Variants in CCDC7 observed in about 807,000 individuals in gnomAD.
CCDC7 encodes coiled-coil domain-containing protein 7.
Under a neutral mutation model 196.9 loss-of-function variants are expected in CCDC7, and 183 were observed. The ratio of observed to expected loss-of-function variants is 0.93; its 90% confidence interval spans 0.82 to 1.05. The LOEUF (loss-of-function observed/expected upper bound fraction) is 1.05, where lower values mean the gene tolerates loss of function less well. CCDC7 is among the 50% of genes least tolerant of loss of function. The pLI, the probability that CCDC7 is intolerant of heterozygous loss-of-function variation, is 0.00. For synonymous variants in CCDC7, 525 were observed against 484.6 expected, an observed-to-expected ratio of 1.08 and a Z score of -1.10; for missense variants, 1,540 against 1,482.2, an observed-to-expected ratio of 1.04 and a Z score of -0.64.
At chr10:32,474,118 CT>C in intron 8 of CCDC7, 95 bp downstream of exon 9, 1 of 1,288,686 alleles carries the variant, frequency 7.8e-7, no homozygotes, top group South Asian at 1.8e-5. Context: ...GTGCAGACTC[CT>C]TGCCTTGGAG....
chr10:32,641,877 A>C (rs1453179499), intron 20 of CCDC7, among the ~76,000 whole-genome samples: 1 of 151,874 alleles, frequency 6.6e-6, no homozygotes, highest in African/African-American at 2.4e-5. Context: ...AACAGTCAGG[A>C]CCCTCAGCTG....
chr10:32,770,797 T>A lies in CCDC7; in HGVS notation c.2906-8180T>A, dbSNP rs1354285565. ...TACATATAAATTTAGGATTGTAATATCTGCTTGTTGAATTGATCTTTTTAT... is the reference window on the plus strand; with the variant it reads ...TACATATAAATTTAGGATTGTAATAACTGCTTGTTGAATTGATCTTTTTAT... On this transcript the variant is annotated intron_variant, in intron 28 of 41. Coordinates refer to ENST00000639629, the Ensembl canonical transcript of CCDC7. Among the ~76,000 whole-genome samples, 3 of 152,208 alleles carry A rather than the reference T, an allele frequency of 2.0e-5. No homozygotes were observed. The East Asian group carries it at 5.8e-4, about 29-fold the overall frequency.
At chr10:32,454,742 A>G (rs1217314365) in intron 2 of CCDC7, among the ~76,000 whole-genome samples, 1 of 152,138 alleles carries the variant, frequency 6.6e-6, no homozygotes, top group Non-Finnish European at 1.5e-5. Context: ...TCAACCACTA[A>G]TGGACAAAGT....
chr10:32,813,706 T>C (rs983032766), intron 30 of CCDC7, among the ~76,000 whole-genome samples: 1 of 152,208 alleles, frequency 6.6e-6, no homozygotes, highest in Non-Finnish European at 1.5e-5. Flanking sequence ...ATAATGTCCC[T>C]AGGATGATTT....
At chr10:32,762,631 TA>T (rs554588134) in intron 28 of CCDC7, among the ~76,000 whole-genome samples, 1 of 151,522 alleles carries the variant, frequency 6.6e-6, no homozygotes, top group Non-Finnish European at 1.5e-5. Context: ...AAAATATTTT[TA>T]AAAAACAACT....
chr10:32,671,449 A>G (rs1004916254), intron 21 of CCDC7, among the ~76,000 whole-genome samples: 2 of 152,156 alleles, frequency 1.3e-5, no homozygotes, highest in African/African-American at 4.8e-5. Context: ...GGTTTATGCA[A>G]TGATAAAATT....
intron 28 of CCDC7, among the ~76,000 whole-genome samples, chr10:32,741,614 C>A (rs1440528815): frequency 6.6e-6 from 1 of 152,102 alleles, no homozygotes; most frequent in Non-Finnish European, 1.5e-5. Context: ...TATGAGTGGA[C>A]CCACACAGTT....
chr10:32,838,958 C>T (rs937823454), intron 33 of CCDC7, among the ~76,000 whole-genome samples: 1 of 151,906 alleles, frequency 6.6e-6, no homozygotes, highest in Non-Finnish European at 1.5e-5. Context: ...ACTACCTAGC[C>T]AGTACTATAA....
chr10:32,749,513 T>C (rs2075345970), intron 28 of CCDC7, among the ~76,000 whole-genome samples: 1 of 152,226 alleles, frequency 6.6e-6, no homozygotes, highest in Non-Finnish European at 1.5e-5. Flanking sequence ...TTTTCACGTA[T>C]ACACTGAGGA....
chr10:32,548,133 G>A (rs1009032768), intron 13 of CCDC7, among the ~76,000 whole-genome samples: 3 of 152,158 alleles, frequency 2.0e-5, no homozygotes, highest in African/African-American at 4.8e-5. Context: ...TGTGACTTGC[G>A]GATGGAGCAA....
chr10:32,804,979 C>A, intron 29 of CCDC7, 36 bp from the exon 31 acceptor site: 1 of 1,358,076 alleles, frequency 7.4e-7, no homozygotes, highest in South Asian at 1.2e-5. Context: ...TAAGGATTAC[C>A]TCGCAAAGTA....
chr10:32,780,638 A>C (rs549282882), intron 29 of CCDC7, among the ~76,000 whole-genome samples: 1 of 152,300 alleles, frequency 6.6e-6, no homozygotes, highest in East Asian at 1.9e-4. Flanking sequence ...TGGTGCATGC[A>C]TGAAGAAAAG....
At chr10:32,811,214 A>C (rs757139229) in intron 30 of CCDC7, among the ~76,000 whole-genome samples, 1 of 152,074 alleles carries the variant, frequency 6.6e-6, no homozygotes, top group Non-Finnish European at 1.5e-5. Flanking sequence ...CAACCAAATC[A>C]AAACTTGGTG....
At chr10:32,509,258 TAGGTACA>T (rs2045709825) in intron 9 of CCDC7, among the ~76,000 whole-genome samples, 1 of 152,112 alleles carries the variant, frequency 6.6e-6, no homozygotes, top group Non-Finnish European at 1.5e-5. Context: ...AACCCAAGCA[TAGGTACA>T]AGTGATCTTC....
exon 40 of CCDC7, chr10:32,851,873 G>A (rs773726700): frequency 6.2e-7 from 1 of 1,611,948 alleles, no homozygotes; most frequent in Admixed American, 1.7e-5. Flanking sequence ...AGAACATATA[G>A]GGCTGGTCCA....
chr10:32,702,391 G>T (rs1481433061), intron 24 of CCDC7, among the ~76,000 whole-genome samples: 6 of 152,154 alleles, frequency 3.9e-5, no homozygotes, highest in Non-Finnish European at 2.9e-5. Context: ...GAGACAGTTT[G>T]TTATAATTTC....
chr10:32,505,146 AT>A (rs56026767), intron 9 of CCDC7, among the ~76,000 whole-genome samples: 20,455 of 151,028 alleles, frequency 0.14, 1,631 homozygotes, highest in African/African-American at 0.23. Context: ...CCCCTTTATA[AT>A]TTTTTTTATG....
chr10:32,445,609 C>G (rs556144143), upstream of CCDC7, among the ~76,000 whole-genome samples: 126 of 152,298 alleles, frequency 8.3e-4, no homozygotes, highest in Non-Finnish European at 1.7e-3. Context: ...CTAAAAAACT[C>G]TACCTTGTAA....
intron 32 of CCDC7, among the ~76,000 whole-genome samples, chr10:32,831,736 A>G (rs1004129309): frequency 3.9e-5 from 6 of 152,206 alleles, no homozygotes; most frequent in African/African-American, 7.2e-5. Flanking sequence ...CTTCAGGGAA[A>G]GTAACACACG....
Sources: allele counts gnomAD v4.1 joint callset (sites outside exome capture counted in the v4.1 genomes callset), GRCh38; gene constraint gnomAD v4.1.1; transcripts MANE v1.5; gene names NCBI Gene and HGNC (gene_info 2026-07-23, HGNC 2026-07-21).